OPCML: variants seen among roughly 807,000 people sequenced by gnomAD.
OPCML encodes the protein opioid binding protein/cell adhesion molecule like.
A neutral mutation model predicts 37.8 loss-of-function variants in OPCML; 13 were observed. The ratio of observed to expected loss-of-function variants is 0.34; its 90% CI spans 0.22 to 0.55. OPCML has a LOEUF of 0.55. Ranked by LOEUF, OPCML falls within the 20% of genes least tolerant of loss-of-function variation. OPCML has a pLI of 0.91. For synonymous variants in OPCML, 176 were observed against 168.8 expected (o/e 1.04, Z -0.33); for missense variants, 341 against 435.6 (o/e 0.78, Z 1.93).
chr11:132,619,683 CAAAAA>C (rs67315430), intron 3 of OPCML, among the ~76,000 whole-genome samples: 1 of 135,518 alleles, frequency 7.4e-6, no homozygotes, highest in South Asian at 2.4e-4. Context: ...CTGAAAATAC[CAAAAA>C]AAAAAAAAAA....
intron 1 of OPCML, among the ~76,000 whole-genome samples, chr11:133,475,762 G>A (rs748670088): frequency 2.6e-5 from 4 of 152,154 alleles, no homozygotes; most frequent in Non-Finnish European, 5.9e-5. Context: ...AAAGCCCAGC[G>A]TGGATGGCGG....
chr11:132,863,291 T>C (rs1942384721), intron 2 of OPCML, among the ~76,000 whole-genome samples: 1 of 152,188 alleles, frequency 6.6e-6, no homozygotes, highest in South Asian at 2.1e-4. Context: ...TGAATTAATA[T>C]ACATGGGAGC....
chr11:133,240,993 C>A (rs1339534501), intron 1 of OPCML, among the ~76,000 whole-genome samples: 5 of 152,220 alleles, frequency 3.3e-5, no homozygotes, highest in African/African-American at 1.2e-4. Flanking sequence ...GAGCTTCCAT[C>A]CATTTATCTT....
At chr11:132,586,148 T>C (rs2096472147) in intron 3 of OPCML, among the ~76,000 whole-genome samples, 2 of 152,152 alleles carry the variant, frequency 1.3e-5, no homozygotes, top group African/African-American at 4.8e-5. Flanking sequence ...ACCCACATTG[T>C]TTCATTTGCC....
chr11:133,068,552 G>T (rs566443530), intron 1 of OPCML, among the ~76,000 whole-genome samples: 1 of 152,180 alleles, frequency 6.6e-6, no homozygotes, highest in African/African-American at 2.4e-5. Context: ...ACATGCTCGA[G>T]AATTAGCTGG....
At chr11:132,662,195 T>A (rs1942003871) in intron 2 of OPCML, among the ~76,000 whole-genome samples, 1 of 152,074 alleles carries the variant, frequency 6.6e-6, no homozygotes, top group Non-Finnish European at 1.5e-5. Context: ...GAGCTTTTGG[T>A]TCATGGGTCT....
intron 2 of OPCML, among the ~76,000 whole-genome samples, chr11:132,874,820 C>T (rs1308716308): frequency 6.6e-6 from 1 of 152,142 alleles, no homozygotes; most frequent in African/African-American, 2.4e-5. Flanking sequence ...AAATCCAAGA[C>T]TGCTCACTCA....
At chr11:132,433,044 G>A (rs569534938) in intron 7 of OPCML, among the ~76,000 whole-genome samples, 1 of 152,290 alleles carries the variant, frequency 6.6e-6, no homozygotes, top group East Asian at 1.9e-4. Context: ...TTCAGGAAGG[G>A]ATGCTGAATG....
chr11:132,544,389 T>C (rs1358495718), intron 3 of OPCML, among the ~76,000 whole-genome samples: 5 of 152,182 alleles, frequency 3.3e-5, no homozygotes, highest in African/African-American at 1.2e-4. Flanking sequence ...CAAAATTATC[T>C]TTAAAATGTT....
intron 2 of OPCML, among the ~76,000 whole-genome samples, chr11:132,838,754 AAG>A (rs1339984161): frequency 1.3e-5 from 2 of 152,156 alleles, no homozygotes; most frequent in Non-Finnish European, 2.9e-5. Flanking sequence ...TTTGCAAAGT[AAG>A]AGAGTGGAAG....
At chr11:132,549,381 C>T (rs1259099566) in intron 3 of OPCML, among the ~76,000 whole-genome samples, 1 of 152,170 alleles carries the variant, frequency 6.6e-6, no homozygotes, top group African/African-American at 2.4e-5. Context: ...ATGAATAATC[C>T]ACCCCTTGCT....
intron 1 of OPCML, among the ~76,000 whole-genome samples, chr11:133,091,939 G>C (rs997623082): frequency 1.3e-5 from 2 of 152,112 alleles, no homozygotes; most frequent in Non-Finnish European, 2.9e-5. Context: ...CGTAGGGGTG[G>C]AATTTTATAG....
intron 2 of OPCML, among the ~76,000 whole-genome samples, chr11:132,871,718 C>T (rs780070029): frequency 2.6e-5 from 4 of 152,246 alleles, no homozygotes; most frequent in Non-Finnish European, 5.9e-5. Context: ...AGACTACGCA[C>T]TCAAATAGCC....
At chr11:132,860,622 C>G (rs1942262891) in intron 2 of OPCML, 1 of 152,062 alleles carries the variant, frequency 6.6e-6, no homozygotes, top group African/African-American at 2.4e-5. Flanking sequence ...TCCAAAGCCT[C>G]TAGAGGAAAA....
chr11:133,415,175 C>T (rs1200110457), intron 1 of OPCML, among the ~76,000 whole-genome samples: 1 of 151,946 alleles, frequency 6.6e-6, no homozygotes, highest in East Asian at 1.9e-4. Context: ...TTTGGGAGGC[C>T]GAGGCGGGCG....
intron 1 of OPCML, among the ~76,000 whole-genome samples, chr11:133,336,917 T>C (rs893266035): frequency 6.6e-6 from 1 of 152,198 alleles, no homozygotes; most frequent in Non-Finnish European, 1.5e-5. Context: ...TGGATTCTGA[T>C]GTGGAGACAA....
intron 1 of OPCML, among the ~76,000 whole-genome samples, chr11:133,110,265 G>C (rs1949229942): frequency 6.6e-6 from 1 of 152,138 alleles, no homozygotes; most frequent in African/African-American, 2.4e-5. Context: ...AACCACCTTA[G>C]AATAATAAGT....
intron 1 of OPCML, among the ~76,000 whole-genome samples, chr11:133,120,070 G>T (rs983394627): frequency 2.0e-5 from 3 of 152,126 alleles, no homozygotes; most frequent in Non-Finnish European, 4.4e-5. Flanking sequence ...CACCAGTCCT[G>T]CTTCACCACT....
intron 1 of OPCML, among the ~76,000 whole-genome samples, chr11:133,015,786 C>T (rs947169344): frequency 2.0e-5 from 3 of 152,168 alleles, no homozygotes; most frequent in African/African-American, 7.2e-5. Flanking sequence ...GGCTCCTCTT[C>T]CCCACTTGTA....
Sources: gnomAD v4.1 joint callset for allele counts (sites outside exome capture counted in the v4.1 genomes callset) on GRCh38, gnomAD v4.1.1 for gene constraint, MANE v1.5 for transcripts, NCBI Gene and HGNC (gene_info 2026-07-23, HGNC 2026-07-21) for gene names.